The following OPCML variants were observed in gnomAD, a reference collection of about 807,000 sequenced individuals.
The protein encoded by OPCML is opioid-binding protein/cell adhesion molecule.
OPCML carries 13 observed loss-of-function variants against 37.8 expected under a neutral mutation model. That is an observed-to-expected ratio of 0.34 (90% CI 0.22 to 0.55). The LOEUF (loss-of-function observed/expected upper bound fraction) is 0.55, where lower values mean the gene tolerates loss of function less well. Among genes scored for constraint, OPCML ranks in the 20% least tolerant of loss-of-function variants. OPCML has a pLI of 0.91. For synonymous variants in OPCML, 176 were observed against 168.8 expected (o/e 1.04, Z -0.33); for missense variants, 341 against 435.6 (o/e 0.78, Z 1.93).
At chr11:133,118,924 T>G (rs1949379523) in intron 1 of OPCML, among the ~76,000 whole-genome samples, 1 of 152,248 alleles carries the variant, frequency 6.6e-6, no homozygotes. Context: ...TTAATTCAAG[T>G]ATTAAAATAG....
intron 2 of OPCML, among the ~76,000 whole-genome samples, chr11:132,899,026 C>A (rs915078708): frequency 6.6e-6 from 1 of 152,082 alleles, no homozygotes; most frequent in Non-Finnish European, 1.5e-5. Flanking sequence ...TTACCATGCC[C>A]CATGATCAAG....
chr11:133,380,867 G>A (rs963338887), intron 1 of OPCML, among the ~76,000 whole-genome samples: 1 of 152,172 alleles, frequency 6.6e-6, no homozygotes, highest in Non-Finnish European at 1.5e-5. Context: ...TCCAGGACAG[G>A]AGTGATGACA....
intron 3 of OPCML, among the ~76,000 whole-genome samples, chr11:132,576,998 T>A (rs55969708): frequency 1.2e-4 from 18 of 152,130 alleles, no homozygotes; most frequent in African/African-American, 4.3e-4. Context: ...GCATGCTGGA[T>A]GCACAAACCA....
At chr11:133,394,928 T>C (rs978314245) in intron 1 of OPCML, among the ~76,000 whole-genome samples, 1 of 152,220 alleles carries the variant, frequency 6.6e-6, no homozygotes, top group Non-Finnish European at 1.5e-5. Flanking sequence ...GCTCTACTTT[T>C]AGTTTTCTGA....
chr11:132,466,719 T>C (rs1315503827), intron 4 of OPCML, among the ~76,000 whole-genome samples: 1 of 152,092 alleles, frequency 6.6e-6, no homozygotes, highest in Non-Finnish European at 1.5e-5. Context: ...TGCCTGGATA[T>C]AGATAAATCT....
At chr11:132,963,982 C>T (rs892802069) in intron 1 of OPCML, among the ~76,000 whole-genome samples, 4 of 152,026 alleles carry the variant, frequency 2.6e-5, no homozygotes, top group African/African-American at 7.2e-5. Flanking sequence ...TGAATGTATA[C>T]GGCAGGTCAG....
rs917156354 is a variant in OPCML, at chr11:132,435,249, A to G, written c.916+837T>C. 202 of 1,289,168 alleles carry G rather than the reference A, an allele frequency of 1.6e-4. No individual in the cohort carries two copies. The Admixed American group carries it at 4.5e-3, about 29-fold the overall frequency. 79.9% of individuals were successfully genotyped at this position (1,289,168 alleles called of 1,614,324 possible). ...AGAAAACAAAAGACATAGATCACAC[A>G]TTTCAGATGGTTGGTGGACAAAGTT... is the stretch of plus-strand genomic sequence containing the variant. On this transcript the variant is annotated intron_variant, in intron 7 of 7. Coordinates refer to ENST00000524381, the MANE Select transcript of OPCML (RefSeq NM_001012393.5).
chr11:132,797,601 G>A (rs1402611898), intron 2 of OPCML, among the ~76,000 whole-genome samples: 1 of 152,120 alleles, frequency 6.6e-6, no homozygotes, highest in Non-Finnish European at 1.5e-5. Context: ...TGGTTTTCCA[G>A]TGCAAATAAA....
chr11:133,303,692 T>C (rs1942840656), intron 1 of OPCML, among the ~76,000 whole-genome samples: 1 of 152,146 alleles, frequency 6.6e-6, no homozygotes, highest in Admixed American at 6.5e-5. Flanking sequence ...ATTGATAAAC[T>C]GATGTTAGTC....
At chr11:133,424,309 C>T (rs1398052133) in intron 1 of OPCML, among the ~76,000 whole-genome samples, 1 of 152,102 alleles carries the variant, frequency 6.6e-6, no homozygotes, top group Non-Finnish European at 1.5e-5. Context: ...TCTACACCAC[C>T]CTTTCAATCA....
At chr11:133,033,282 TG>T (rs1378293013) in intron 1 of OPCML, among the ~76,000 whole-genome samples, 1 of 152,250 alleles carries the variant, frequency 6.6e-6, no homozygotes, top group African/African-American at 2.4e-5. Flanking sequence ...CAAAGTACTT[TG>T]GTTGTTCCAA....
At chr11:133,354,205 G>C (rs374734130) in intron 1 of OPCML, among the ~76,000 whole-genome samples, 1 of 49,482 alleles carries the variant, frequency 2.0e-5, no homozygotes, top group Admixed American at 3.1e-4. Flanking sequence ...CCGGTTGATG[G>C]TGGTGGTGAT....
intron 2 of OPCML, among the ~76,000 whole-genome samples, chr11:132,674,440 C>A (rs1357589079): frequency 2.0e-5 from 3 of 152,150 alleles, no homozygotes; most frequent in Admixed American, 2.0e-4. Flanking sequence ...TGAACAGCCC[C>A]AGTGAATAAT....
chr11:133,117,752 T>C, intron 1 of OPCML: 1 of 967,982 alleles, frequency 1.0e-6, no homozygotes, highest in Non-Finnish European at 1.2e-6. Flanking sequence ...GAAAGTAATG[T>C]ACAATTGCAA....
intron 2 of OPCML, among the ~76,000 whole-genome samples, chr11:132,663,889 G>T (rs900674569): frequency 6.6e-6 from 1 of 152,180 alleles, no homozygotes; most frequent in Non-Finnish European, 1.5e-5. Context: ...CTTGAGTGCA[G>T]TGACGCGATC....
At chr11:133,264,404 A>G (rs1941589950) in intron 1 of OPCML, among the ~76,000 whole-genome samples, 1 of 152,206 alleles carries the variant, frequency 6.6e-6, no homozygotes, top group African/African-American at 2.4e-5. Context: ...GTGAATTCTC[A>G]AGAGGGAAGT....
chr11:132,985,252 T>A (rs981748926), intron 1 of OPCML, among the ~76,000 whole-genome samples: 1 of 152,180 alleles, frequency 6.6e-6, no homozygotes, highest in Non-Finnish European at 1.5e-5. Context: ...ACTCAGGACA[T>A]CACCAGGCCA....
At chr11:132,457,908 C>T (rs961702000) in intron 4 of OPCML, among the ~76,000 whole-genome samples, 4 of 152,302 alleles carry the variant, frequency 2.6e-5, no homozygotes, top group South Asian at 2.1e-4. Flanking sequence ...CATGGGTCCA[C>T]GCTAGTGAAA....
intron 2 of OPCML, among the ~76,000 whole-genome samples, chr11:132,911,194 T>A (rs980089425): frequency 6.6e-6 from 1 of 152,232 alleles, no homozygotes; most frequent in Non-Finnish European, 1.5e-5. Context: ...ACCACCGCCA[T>A]CAATAATGTG....
Sources: gnomAD v4.1 joint callset for allele counts (sites outside exome capture counted in the v4.1 genomes callset) on GRCh38, gnomAD v4.1.1 for gene constraint, MANE v1.5 for transcripts, NCBI Gene and HGNC (gene_info 2026-07-23, HGNC 2026-07-21) for gene names.